The following UGT1A7 variants were observed in gnomAD, a reference collection of about 807,000 sequenced individuals.
UGT1A7 encodes UDP-glucuronosyltransferase 1A7.
Under a neutral mutation model 45.6 loss-of-function variants are expected in UGT1A7, and 33 were observed. The observed-to-expected ratio is 0.72, with a 90% CI of 0.55 to 0.97. UGT1A7 has a LOEUF of 0.97. UGT1A7 is among the 50% of genes least tolerant of loss of function. UGT1A7 has a pLI of 0.00. For missense variants in UGT1A7, 684 were observed against 666.2 expected (o/e 1.03, Z -0.29); for synonymous variants, 274 against 250.6 (o/e 1.09, Z -0.88).
intron 1 of UGT1A7, among the ~76,000 whole-genome samples, chr2:233,686,693 C>T (rs2074799956): frequency 1.3e-5 from 2 of 152,118 alleles, no homozygotes; most frequent in South Asian, 2.1e-4. Flanking sequence ...TGGTGGTGCC[C>T]TCTGGCCTGC....
intron 1 of UGT1A7, among the ~76,000 whole-genome samples, chr2:233,746,603 T>C (rs1036013853): frequency 3.3e-5 from 5 of 151,768 alleles, no homozygotes; most frequent in Non-Finnish European, 5.9e-5. Context: ...TTGTCTCTGT[T>C]CACCTGACCC....
intron 1 of UGT1A7, among the ~76,000 whole-genome samples, chr2:233,707,717 A>G (rs1575486926): frequency 6.6e-6 from 1 of 152,192 alleles, no homozygotes; most frequent in Non-Finnish European, 1.5e-5. Context: ...ACTACTGTGA[A>G]CAATGTTACA....
At chr2:233,732,129 GTTGTTTGT>G (rs201829156) in intron 1 of UGT1A7, among the ~76,000 whole-genome samples, 3 of 151,474 alleles carry the variant, frequency 2.0e-5, no homozygotes, top group African/African-American at 4.9e-5. Context: ...TTTTGATGAG[GTTGTTTGT>G]TTGTTTTTTT....
chr2:233,682,342 A>C lies in UGT1A7; in HGVS notation c.405A>C (p.Glu135Asp). The C allele has an allele frequency of 6.2e-7, 1 of 1,614,112 alleles. No homozygotes were observed. The highest frequency in any genetic ancestry group is 8.5e-7 in the Non-Finnish European group (1 of 1,180,018). The part of the protein sequence containing the change: ...RSLFNDRKLV[E>D]YLKESCFDAV... ...TGTTTAATGACCGAAAATTAGTAGA[A>C]TACTTAAAGGAGAGTTGTTTTGATG... is the stretch of plus-strand genomic sequence containing the variant. The change falls in exon 1 of 5, where the codon GAA (glutamate) becomes GAC (aspartate). Residue 135 changes from glutamate (E) to aspartate (D), a missense_variant. By Grantham distance (45) the Glu-to-Asp change is conservative. Coordinates refer to ENST00000373426, the MANE Select transcript of UGT1A7 (RefSeq NM_019077.3).
Position 233,769,626 on chromosome 2 carries a change from C to A in UGT1A7, c.1295+1187C>A. 2 of 1,612,112 alleles carry A rather than the reference C, an allele frequency of 1.2e-6. No individual in the cohort carries two copies. The highest frequency in any genetic ancestry group is 1.7e-6 in the Non-Finnish European group (2 of 1,179,588). The stretch of plus-strand genomic sequence containing the variant: ...GGGACACACCAGCTTGAGCAAGGGA[C>A]AACAGGGGAGGACTGATGACTGACT... On this transcript the variant is annotated intron_variant, in intron 4 of 4. Transcript: ENST00000373426. The surrounding 1 kb of genome is among the most constrained non-coding windows in gnomAD (Gnocchi z 4.4).
intron 1 of UGT1A7, among the ~76,000 whole-genome samples, chr2:233,709,993 T>G (rs2076102141): frequency 6.6e-6 from 1 of 152,226 alleles, no homozygotes; most frequent in African/African-American, 2.4e-5. Context: ...CTGAATGGAA[T>G]CATACAATTA....
intron 1 of UGT1A7, among the ~76,000 whole-genome samples, chr2:233,716,389 A>C (rs1313354106): frequency 6.6e-6 from 1 of 152,190 alleles, no homozygotes; most frequent in East Asian, 1.9e-4. Flanking sequence ...TACCACAGAC[A>C]CTAAGCTTAA....
intron 1 of UGT1A7, chr2:233,692,383 A>G (rs1237796936): frequency 1.9e-5 from 3 of 155,458 alleles, no homozygotes; most frequent in Non-Finnish European, 4.3e-5. Flanking sequence ...ATTGACTCCA[A>G]GAAAGAGGGT....
rs540404664 is a variant in UGT1A7 at position 233,696,296 on chromosome 2, G to A, written c.855+13504G>A. ...AAAGAAAACGTAGGACTGTAATATC[G>A]TGAAATATATATTTGGTCTTCATCC... On this transcript the variant is annotated intron_variant, in intron 1 of 4. Coordinates refer to ENST00000373426, the MANE Select transcript of UGT1A7 (RefSeq NM_019077.3). Among the ~76,000 whole-genome samples, 28 of 152,242 alleles carry A rather than the reference G, an allele frequency of 1.8e-4. No individual in the cohort carries two copies. The East Asian group carries it at 4.8e-3, about 26-fold the overall frequency.
At chr2:233,705,332 C>T (rs2075841710) in intron 1 of UGT1A7, among the ~76,000 whole-genome samples, 1 of 152,172 alleles carries the variant, frequency 6.6e-6, no homozygotes, top group Admixed American at 6.5e-5. Context: ...AACACATTCT[C>T]TCAATTTTTG....
At chr2:233,767,701 T>C in intron 2 of UGT1A7, 148 bp from the exon 3 acceptor site, 1 of 1,506,270 alleles carries the variant, frequency 6.6e-7, no homozygotes, top group Admixed American at 2.1e-5. Flanking sequence ...AAGTTGCCAG[T>C]CCTCAGAAGC....
At chr2:233,718,654 G>A in intron 1 of UGT1A7, 1 of 1,516,140 alleles carries the variant, frequency 6.6e-7, no homozygotes, top group African/African-American at 1.4e-5. Context: ...CATAACGAAA[G>A]GCAGTTATAG....
chr2:233,772,775 T>C lies in UGT1A7; in HGVS notation c.*216T>C, dbSNP rs1450071408. On this transcript the variant is annotated 3_prime_UTR_variant, in exon 5 of 5. Transcript: ENST00000373426. ...AATATGTATCGTGCCCCCTCTGGTG[T>C]CTTTGATCAGGATGACATGTGCCAT... 2 of 1,313,948 alleles carry C rather than the reference T, an allele frequency of 1.5e-6. No homozygotes were observed. Among genetic ancestry groups the C allele is most frequent in the East Asian group, 2.7e-5 (1 of 37,564 alleles). 81.4% of individuals were successfully genotyped at this position (1,313,948 alleles called of 1,614,324 possible).
intron 1 of UGT1A7, among the ~76,000 whole-genome samples, chr2:233,734,140 A>T (rs2078490993): frequency 1.3e-5 from 2 of 152,148 alleles, no homozygotes; most frequent in Admixed American, 1.3e-4. Context: ...TTTGGCTGTG[A>T]ATCCATCTGG....
chr2:233,765,623 G>A (rs1698893578), intron 1 of UGT1A7, among the ~76,000 whole-genome samples: 1 of 151,662 alleles, frequency 6.6e-6, no homozygotes, highest in Admixed American at 6.6e-5. Flanking sequence ...AGGGGTGAGG[G>A]GAGGAACTTA....
In UGT1A7 at chr2:233,772,705, C is replaced by G. The variant is rs769331263; in HGVS notation, c.*146C>G. ...CAGCCCCAGAGTGCTTTAAAAAATT[C>G]TCTTAAATAAAAATAATAGACTCGC... is the stretch of plus-strand genomic sequence containing the variant. On this transcript the variant is annotated 3_prime_UTR_variant, in exon 5 of 5. Coordinates refer to ENST00000373426, the MANE Select transcript of UGT1A7 (RefSeq NM_019077.3). 3.4e-6 allele frequency: 5 copies of G among 1,474,690 alleles called. No individual in the cohort carries two copies. Among genetic ancestry groups the G allele is most frequent in the Non-Finnish European group, 4.5e-6 (5 of 1,119,720 alleles). 91.4% of individuals were successfully genotyped at this position (1,474,690 alleles called of 1,614,324 possible).
intron 1 of UGT1A7, among the ~76,000 whole-genome samples, chr2:233,704,027 A>T (rs1383709873): frequency 6.6e-6 from 1 of 152,010 alleles, no homozygotes; most frequent in Non-Finnish European, 1.5e-5. Flanking sequence ...AGCAGCTGGA[A>T]CTACAGGTGT....
chr2:233,733,312 C>T, intron 1 of UGT1A7, among the ~76,000 whole-genome samples: 1 of 152,116 alleles, frequency 6.6e-6, no homozygotes, highest in Non-Finnish European at 1.5e-5. Context: ...CTTTCTCTTG[C>T]CTGATTGCCC....
chr2:233,729,776 C>T lies in UGT1A7; in HGVS notation c.856-37258C>T, dbSNP rs139850391. The T allele has an allele frequency of 1.9e-4, 310 of 1,613,846 alleles. 1 individual carries two copies. Among genetic ancestry groups the T allele is most frequent in the Non-Finnish European group, 2.3e-4 (267 of 1,179,864 alleles). ...CAAAGGGTCAAGAACATGCTCTACCCTCTGGCCCTGTCCTACATTTGCCAT... is the reference window on the plus strand; with the variant it reads ...CAAAGGGTCAAGAACATGCTCTACCTTCTGGCCCTGTCCTACATTTGCCAT... On this transcript the variant is annotated intron_variant, in intron 1 of 4. Transcript: ENST00000373426.
Sources: allele counts gnomAD v4.1 joint callset (sites outside exome capture counted in the v4.1 genomes callset), GRCh38; gene constraint gnomAD v4.1.1; non-coding constraint Gnocchi (gnomAD v3.1); transcripts MANE v1.5; gene names NCBI Gene and HGNC (gene_info 2026-07-23, HGNC 2026-07-21).